PCLO: variants seen among roughly 807,000 people sequenced by gnomAD.
PCLO encodes piccolo presynaptic cytomatrix protein, also known as protein piccolo.
A neutral mutation model predicts 427.5 loss-of-function variants in PCLO; 82 were observed. The ratio of observed to expected loss-of-function variants is 0.19; its 90% CI spans 0.16 to 0.23. The LOEUF (loss-of-function observed/expected upper bound fraction) is 0.23. Among genes scored for constraint, PCLO ranks in the 10% least tolerant of loss-of-function variants. The pLI is 1.00. For synonymous variants in PCLO, 2,357 were observed against 2,155.4 expected, an observed-to-expected ratio of 1.09 and a Z score of -2.59; for missense variants, 6,239 against 6,115.9, an observed-to-expected ratio of 1.02 and a Z score of -0.67.
intron 2 of PCLO, among the ~76,000 whole-genome samples, chr7:83,154,523 T>G (rs1279872038): frequency 2.0e-5 from 3 of 152,142 alleles, no homozygotes; most frequent in Admixed American, 2.0e-4. Flanking sequence ...TCAATTTATA[T>G]TTGTCTTATA....
rs534714417 is a variant in PCLO at position 82,990,390 on chromosome 7, A to G, written c.3301-23903T>C. 7.9e-5 allele frequency among the ~76,000 whole-genome samples: 12 copies of G among 152,200 alleles called. 1 individual carries two copies. In the South Asian group the frequency reaches 1.4e-3, roughly 18 times the overall value. On this transcript the variant is annotated intron_variant, in intron 3 of 24. Coordinates refer to ENST00000333891, the MANE Select transcript of PCLO (RefSeq NM_033026.6). The stretch of plus-strand genomic sequence containing the variant: ...AATATTTATCTTATAGACACAATTT[A>G]ATTACCAGACAGGTAATTAATTACT...
In PCLO at chr7:82,965,223, A is replaced by G. The variant is rs1795736942; in HGVS notation, c.4017+548T>C. On this transcript the variant is annotated intron_variant, in intron 4 of 24. Transcript: ENST00000333891. ...GATACATTATATTAAAAATCATGCT[A>G]AATATTAAACTGCTTTGTGAAATTT... 8.5e-5 allele frequency among the ~76,000 whole-genome samples: 13 copies of G among 152,238 alleles called. No individual in the cohort carries two copies. The South Asian group carries it at 2.7e-3, about 32-fold the overall frequency.
chr7:82,935,404 G>A (rs1365299035), intron 6 of PCLO, among the ~76,000 whole-genome samples: 5 of 150,920 alleles, frequency 3.3e-5, no homozygotes, highest in African/African-American at 1.2e-4. Flanking sequence ...CAAGTATCTA[G>A]TAGTTTGCTT....
At chr7:82,867,911 C>G (rs957471206) in intron 10 of PCLO, among the ~76,000 whole-genome samples, 1 of 152,102 alleles carries the variant, frequency 6.6e-6, no homozygotes, top group Non-Finnish European at 1.5e-5. Context: ...TGTGATATCA[C>G]TACATCTTGA....
intron 3 of PCLO, among the ~76,000 whole-genome samples, chr7:83,038,362 C>A (rs1760768914): frequency 6.6e-6 from 1 of 151,274 alleles, no homozygotes; most frequent in African/African-American, 2.4e-5. Flanking sequence ...GTTTAGTTAT[C>A]ACCCTCAGCC....
intron 7 of PCLO, among the ~76,000 whole-genome samples, chr7:82,911,742 G>T (rs556572451): frequency 2.0e-5 from 3 of 151,874 alleles, no homozygotes; most frequent in African/African-American, 7.2e-5. Context: ...CCTGCCTCAG[G>T]CTCCCAAGTA....
At position 82,852,970 on chromosome 7, in the gene PCLO, T is replaced by C. The variant is rs368262557; in HGVS notation, c.13655-5723A>G. ...CTACATATGGAGTGAGAACACGCAATATTTTATTTTCTATGACTGGCTTAT... is the reference window on the plus strand; with the variant it reads ...CTACATATGGAGTGAGAACACGCAACATTTTATTTTCTATGACTGGCTTAT... On this transcript the variant is annotated intron_variant, in intron 10 of 24. Transcript: ENST00000333891. 1.4e-4 allele frequency among the ~76,000 whole-genome samples: 22 copies of C among 152,200 alleles called. No individual in the cohort carries two copies. In the East Asian group the frequency reaches 1.6e-3, roughly 11 times the overall value.
At chr7:82,793,054 T>C (rs1300057097) in intron 22 of PCLO, among the ~76,000 whole-genome samples, 5 of 152,094 alleles carry the variant, frequency 3.3e-5, no homozygotes, top group Admixed American at 2.0e-4. Flanking sequence ...TATCTCTAAC[T>C]GTTCTCAACA....
Position 82,879,361 on chromosome 7 carries a change from C to T in PCLO, c.13630G>A (p.Glu4544Lys), listed in dbSNP as rs2116043043. The T allele has an allele frequency of 6.2e-7, 1 of 1,612,490 alleles. No individual in the cohort carries two copies. Among genetic ancestry groups the T allele is most frequent in the East Asian group, 2.2e-5 (1 of 44,704 alleles). Residue 4544 changes from glutamate (E) to lysine (K), a missense_variant, in exon 10 of 25, where the codon GAA becomes AAA. Physicochemically the swap from Glu to Lys is moderately conservative, Grantham distance 56. Around this residue, in one of 5 missense-constraint regions of PCLO, gnomAD observed 877 missense variants for 925.5 expected, o/e 0.95. Transcript: ENST00000333891. The part of the protein sequence containing the change: ...IAKILPGGSA[E>K]QTGKLMEGMQ... ...CCTTCCATAAGCTTCCCCGTCTGTT[C>T]CGCACTTCCCCCAGGAAGAATCTTG...
intron 3 of PCLO, among the ~76,000 whole-genome samples, chr7:83,078,899 G>A (rs1190481175): frequency 6.6e-6 from 1 of 151,972 alleles, no homozygotes; most frequent in Non-Finnish European, 1.5e-5. Flanking sequence ...AATAATACCA[G>A]CAAATCAAAG....
intron 3 of PCLO, among the ~76,000 whole-genome samples, chr7:82,999,539 T>C (rs193300966): frequency 1.2e-4 from 6 of 48,460 alleles, no homozygotes; most frequent in Admixed American, 3.4e-4. Flanking sequence ...TATATTAAAA[T>C]ATAAAATATA....
intron 3 of PCLO, among the ~76,000 whole-genome samples, chr7:83,086,171 G>A (rs963650794): frequency 1.8e-5 from 2 of 112,784 alleles, no homozygotes; most frequent in East Asian, 2.1e-4. Context: ...GTGCAATGGC[G>A]CAATGGTTGG....
chr7:83,080,947 A>G (rs1384532833), intron 3 of PCLO, among the ~76,000 whole-genome samples: 1 of 151,680 alleles, frequency 6.6e-6, no homozygotes, highest in Non-Finnish European at 1.5e-5. Context: ...AAATAATTAT[A>G]ATAATATACT....
intron 9 of PCLO, among the ~76,000 whole-genome samples, chr7:82,883,946 C>A (rs561180458): frequency 3.3e-5 from 5 of 151,888 alleles, no homozygotes; most frequent in African/African-American, 1.2e-4. Context: ...ATTTTGTGTA[C>A]TTTTGGTAGA....
rs1479290283 is a variant in PCLO, at chr7:82,838,209, T to C, written c.14222+9A>G. Reference sequence around the variant, plus strand: ...AGCATGAGATGAAGTACTTCTTAATTTTACTTACCCTCTCCCTGGAAGAAG... The same window carrying C: ...AGCATGAGATGAAGTACTTCTTAATCTTACTTACCCTCTCCCTGGAAGAAG... On this transcript the variant is annotated intron_variant, in intron 15 of 24. Transcript: ENST00000333891. The C allele has an allele frequency of 1.9e-6, 3 of 1,591,258 alleles. No homozygotes were observed. The highest frequency in any genetic ancestry group is 2.6e-6 in the Non-Finnish European group (3 of 1,164,560).
chr7:83,093,845 GT>G (rs55892870), intron 3 of PCLO, among the ~76,000 whole-genome samples: 2,728 of 135,658 alleles, frequency 0.02, 92 homozygotes, highest in African/African-American at 0.063. Flanking sequence ...TTACTGATTT[GT>G]TTTTTTTTTT....
chr7:82,865,923 G>A (rs80245150), intron 10 of PCLO, among the ~76,000 whole-genome samples: 2,260 of 152,062 alleles, frequency 0.015, 53 homozygotes, highest in African/African-American at 0.052. Context: ...CTATTTAAAC[G>A]TCATTCAGCT....
intron 2 of PCLO, among the ~76,000 whole-genome samples, chr7:83,142,305 A>G (rs1791881688): frequency 6.6e-6 from 1 of 152,164 alleles, no homozygotes; most frequent in Admixed American, 6.5e-5. Context: ...TTGTACAATA[A>G]AACCTGTTGG....
chr7:82,924,646 A>G (rs1794671930), intron 6 of PCLO, among the ~76,000 whole-genome samples: 1 of 152,108 alleles, frequency 6.6e-6, no homozygotes, highest in African/African-American at 2.4e-5. Context: ...TAAGTTTATA[A>G]GAAGGATCAA....
Sources: allele counts gnomAD v4.1 joint callset (sites outside exome capture counted in the v4.1 genomes callset), GRCh38; gene constraint gnomAD v4.1.1; regional missense constraint gnomAD v4.1.1; transcripts MANE v1.5; gene names NCBI Gene and HGNC (gene_info 2026-07-23, HGNC 2026-07-21).